The following PTGES3 variants were observed in gnomAD, a reference collection of about 807,000 sequenced individuals.
PTGES3 encodes the protein Hsp90 co-chaperone.
PTGES3 carries 5 observed loss-of-function variants against 29.9 expected under a neutral mutation model. The observed-to-expected ratio is 0.17, with a 90% CI of 0.09 to 0.35. The LOEUF (loss-of-function observed/expected upper bound fraction) is 0.35, where lower values mean the gene tolerates loss of function less well. Among genes scored for constraint, PTGES3 ranks in the 10% least tolerant of loss-of-function variants. The pLI is 1.00. For missense variants in PTGES3, 128 were observed against 190.0 expected, an observed-to-expected ratio of 0.67 and a Z score of 1.92; for synonymous variants, 49 against 57.8, an observed-to-expected ratio of 0.85 and a Z score of 0.69.
intron 3 of PTGES3, 145 bp downstream of exon 3, chr12:56,672,595 G>T: frequency 2.9e-6 from 3 of 1,039,098 alleles, no homozygotes; most frequent in African/African-American, 1.6e-5. Context: ...AACCAATTTT[G>T]GAGGAAATAT....
At chr12:56,678,106 G>A (rs1260563437) in intron 1 of PTGES3, among the ~76,000 whole-genome samples, 2 of 8,356 alleles carry the variant, frequency 2.4e-4, no homozygotes, top group Non-Finnish European at 3.8e-4. Context: ...ATGAACTCCA[G>A]GAACTACTTT....
chr12:56,687,574 A>G (rs2137760056), intron 1 of PTGES3: 2 of 1,034,924 alleles, frequency 1.9e-6, no homozygotes, highest in South Asian at 3.6e-5. Flanking sequence ...CCACAGGTGC[A>G]CTCGACTCAG....
chr12:56,664,634 T>C (rs1051297279), intron 7 of PTGES3, 136 bp from the exon 8 acceptor site: 2 of 1,371,450 alleles, frequency 1.5e-6, no homozygotes, highest in South Asian at 2.6e-5. Flanking sequence ...GCTATCAAGT[T>C]ATTCACATTT....
intron 1 of PTGES3, among the ~76,000 whole-genome samples, chr12:56,676,116 T>C (rs1952228591): frequency 7.2e-6 from 1 of 139,500 alleles, no homozygotes; most frequent in Admixed American, 7.0e-5. Context: ...ATACCAGCTA[T>C]TTGGGAGGCT....
chr12:56,669,757 G>A (rs932079707), intron 5 of PTGES3, among the ~76,000 whole-genome samples: 4 of 151,856 alleles, frequency 2.6e-5, no homozygotes, highest in Non-Finnish European at 5.9e-5. Flanking sequence ...CCACAGGTGC[G>A]CGCCACCATG....
At chr12:56,670,482 G>T in intron 4 of PTGES3, 118 bp from the exon 5 acceptor site, 1 of 712,508 alleles carries the variant, frequency 1.4e-6, no homozygotes, top group East Asian at 2.7e-5. Flanking sequence ...GCCCAGGCTG[G>T]AGTGCAGCAA....
chr12:56,686,246 T>C (rs991467889), intron 1 of PTGES3, among the ~76,000 whole-genome samples: 2 of 152,242 alleles, frequency 1.3e-5, no homozygotes, highest in Admixed American at 1.3e-4. Flanking sequence ...AGCTGCTTAA[T>C]GCCTCATCTG....
At chr12:56,664,544 TC>T (rs768825616) in intron 7 of PTGES3, 46 bp from the exon 8 acceptor site, 1 of 1,552,678 alleles carries the variant, frequency 6.4e-7, no homozygotes, top group South Asian at 1.2e-5. Flanking sequence ...AAGTGAATAA[TC>T]TACCAATTTT....
chr12:56,676,232 CA>C (rs60053201), intron 1 of PTGES3, among the ~76,000 whole-genome samples: 68 of 129,952 alleles, frequency 5.2e-4, no homozygotes, highest in Admixed American at 9.7e-4. Flanking sequence ...TCTCCCCCCC[CA>C]AAAAAAAAAA....
At chr12:56,687,489 A>G (rs921204030) in intron 1 of PTGES3, 2 of 992,922 alleles carry the variant, frequency 2.0e-6, no homozygotes, top group African/African-American at 3.5e-5. Context: ...CTAGTTGCCT[A>G]GCAGTACCTG....
intron 1 of PTGES3, 180 bp downstream of exon 1, chr12:56,687,818 G>A (rs1019351578): frequency 3.0e-5 from 43 of 1,446,344 alleles, no homozygotes; most frequent in African/African-American, 4.4e-5. Flanking sequence ...CAGACATCTG[G>A]AGGAAAAATG....
intron 6 of PTGES3, chr12:56,665,598 C>T (rs2137576037): frequency 1.0e-6 from 1 of 985,392 alleles, no homozygotes; most frequent in Non-Finnish European, 1.2e-6. Context: ...TGACATAAAA[C>T]CTATTTAACT....
At chr12:56,674,508 C>T (rs9989034) in intron 1 of PTGES3, among the ~76,000 whole-genome samples, 86,378 of 151,264 alleles carry the variant, frequency 0.57, 26,415 homozygotes, top group East Asian at 0.75. Flanking sequence ...CTGACCAACA[C>T]GGAGAAACTC....
intron 1 of PTGES3, among the ~76,000 whole-genome samples, chr12:56,673,801 A>AT (rs1426810404): frequency 6.6e-6 from 1 of 151,374 alleles, no homozygotes; most frequent in Non-Finnish European, 1.5e-5. Context: ...AAAAAAAAAA[A>AT]AAAAAAAAAA....
intron 1 of PTGES3, among the ~76,000 whole-genome samples, chr12:56,684,044 A>G (rs12824563): frequency 0.015 from 2,254 of 152,254 alleles, 28 homozygotes; most frequent in Admixed American, 0.025. Flanking sequence ...AAAGTTCAAT[A>G]CACTATTTCC....
chr12:56,669,386 C>T (rs1320772535), intron 5 of PTGES3, among the ~76,000 whole-genome samples: 3 of 152,026 alleles, frequency 2.0e-5, no homozygotes, highest in Non-Finnish European at 4.4e-5. Context: ...TGGGTTCACG[C>T]GATTCTCCTG....
Position 56,664,766 on chromosome 12 carries a change from A to G in PTGES3, c.463+10T>C. 6.3e-7 allele frequency: 1 copy of G among 1,592,970 alleles called. No individual in the cohort carries two copies. The highest frequency in any genetic ancestry group is 8.6e-7 in the Non-Finnish European group (1 of 1,165,508). On this transcript the variant is annotated intron_variant, in intron 7 of 7. Transcript: ENST00000262033. ...ATCACTGTATAAACATACTTTTTAT[A>G]TACACTTACTTTCATCATCACTGTC...
At chr12:56,674,988 G>A (rs1592258943) in intron 1 of PTGES3, among the ~76,000 whole-genome samples, 1 of 93,088 alleles carries the variant, frequency 1.1e-5, no homozygotes, top group African/African-American at 4.0e-5. Context: ...TGGGCAACAA[G>A]AGTGAAACTC....
intron 1 of PTGES3, among the ~76,000 whole-genome samples, chr12:56,675,161 G>A (rs923275413): frequency 1.4e-4 from 22 of 151,742 alleles, no homozygotes; most frequent in Non-Finnish European, 2.4e-4. Context: ...TTAGCTGGGC[G>A]TGGTGGCACG....
Sources: gnomAD v4.1 joint callset for allele counts (sites outside exome capture counted in the v4.1 genomes callset) on GRCh38, gnomAD v4.1.1 for gene constraint, MANE v1.5 for transcripts, NCBI Gene and HGNC (gene_info 2026-07-23, HGNC 2026-07-21) for gene names.